DLGAP4: variants seen among roughly 807,000 people sequenced by gnomAD.
The protein encoded by DLGAP4 is DLG associated protein 4.
Under a neutral mutation model 86.9 loss-of-function variants are expected in DLGAP4, and 18 were observed. That is an observed-to-expected ratio of 0.21 (90% CI 0.14 to 0.31). The LOEUF (loss-of-function observed/expected upper bound fraction) is 0.31. DLGAP4 is among the 10% of genes least tolerant of loss of function. DLGAP4 has a pLI of 1.00. For missense variants in DLGAP4, 1,085 were observed against 1,362.6 expected (o/e 0.80, Z 3.21); for synonymous variants, 548 against 574.3 (o/e 0.95, Z 0.65).
At chr20:36,429,021 T>C (rs1285399445) in intron 2 of DLGAP4, among the ~76,000 whole-genome samples, 2 of 152,220 alleles carry the variant, frequency 1.3e-5, no homozygotes, top group African/African-American at 4.8e-5. Context: ...ATCACTCTGA[T>C]CTCTGCTTCT....
At position 36,319,272 on chromosome 20, in the gene DLGAP4, A is replaced by G. The variant is rs73293652; in HGVS notation, c.-304+12760A>G. ...CCCCACTCTGCTCACTGGCTATGTGATTTTGAGCAGGTCACAGAAACCTCT... is the reference window on the plus strand; with the variant it reads ...CCCCACTCTGCTCACTGGCTATGTGGTTTTGAGCAGGTCACAGAAACCTCT... On this transcript the variant is annotated intron_variant, in intron 1 of 12. Coordinates refer to ENST00000339266, the MANE Select transcript of DLGAP4 (RefSeq NM_001365621.2). Among the ~76,000 whole-genome samples, 1,481 of 152,172 alleles carry G rather than the reference A, an allele frequency of 9.7e-3. 15 individuals are homozygous for G. The highest frequency in any genetic ancestry group is 0.034 in the African/African-American group (1,393 of 41,516).
chr20:36,495,857 G>GT (rs2035863478), intron 7 of DLGAP4, among the ~76,000 whole-genome samples: 1 of 152,008 alleles, frequency 6.6e-6, no homozygotes, highest in Non-Finnish European at 1.5e-5. Flanking sequence ...GTGTTTTTTT[G>GT]TTTGTTCATG....
At chr20:36,512,124 C>T (rs1448888501) in intron 10 of DLGAP4, among the ~76,000 whole-genome samples, 1 of 144,732 alleles carries the variant, frequency 6.9e-6, no homozygotes, top group Admixed American at 7.0e-5. Flanking sequence ...GATCTCGGCT[C>T]ACTGCAAGCT....
At chr20:36,496,093 A>G (rs2035874571) in intron 7 of DLGAP4, among the ~76,000 whole-genome samples, 1 of 152,190 alleles carries the variant, frequency 6.6e-6, no homozygotes, top group South Asian at 2.1e-4. Flanking sequence ...GCTGGTCTCG[A>G]ACTCCTGACC....
intron 1 of DLGAP4, among the ~76,000 whole-genome samples, chr20:36,361,903 C>T (rs573712967): frequency 2.5e-4 from 38 of 150,108 alleles, no homozygotes; most frequent in South Asian, 2.1e-3. Flanking sequence ...CGCTTGAACC[C>T]GGGAGGCGGA....
chr20:36,415,448 G>A (rs751748381), intron 2 of DLGAP4, among the ~76,000 whole-genome samples: 7 of 152,176 alleles, frequency 4.6e-5, no homozygotes, highest in Admixed American at 6.5e-5. Flanking sequence ...GCCCGGCCCT[G>A]TCTGGCTCTA....
chr20:36,450,427 G>A (rs1354295559), intron 7 of DLGAP4, among the ~76,000 whole-genome samples: 1 of 152,158 alleles, frequency 6.6e-6, no homozygotes, highest in African/African-American at 2.4e-5. Flanking sequence ...AAGCCCGGGA[G>A]GTGGAGGTTG....
At chr20:36,317,555 A>G (rs2065122008) in intron 1 of DLGAP4, among the ~76,000 whole-genome samples, 1 of 147,446 alleles carries the variant, frequency 6.8e-6, no homozygotes, top group Non-Finnish European at 1.5e-5. Flanking sequence ...CTGGGATCGA[A>G]CAATCTTCCT....
chr20:36,400,603 G>T (rs959028734), intron 2 of DLGAP4, among the ~76,000 whole-genome samples: 3 of 151,594 alleles, frequency 2.0e-5, no homozygotes, highest in African/African-American at 7.3e-5. Flanking sequence ...GTCTGAGGGG[G>T]TTGGATGGGG....
intron 1 of DLGAP4, among the ~76,000 whole-genome samples, chr20:36,342,704 C>T (rs1555892608): frequency 6.6e-6 from 1 of 152,214 alleles, no homozygotes; most frequent in Non-Finnish European, 1.5e-5. Context: ...TCCTCTGCCG[C>T]ATAGTCCTGG....
Position 36,369,502 on chromosome 20 carries a change from G to A in DLGAP4, c.-73+2227G>A, listed in dbSNP as rs146735393. On this transcript the variant is annotated intron_variant, in intron 2 of 12. Transcript: ENST00000339266. ...CAGCTACTTGGGAGGCTGAGACAGG[G>A]GAATTGCTTGAGCCCAGGAGACAGA... Among the ~76,000 whole-genome samples the A allele has an allele frequency of 2.5e-3, 381 of 152,200 alleles. 5 individuals are homozygous for A. The East Asian group carries it at 0.054, about 22-fold the overall frequency.
intron 1 of DLGAP4, among the ~76,000 whole-genome samples, chr20:36,317,200 CTCCT>C (rs1434832573): frequency 1.5e-4 from 22 of 144,088 alleles, no homozygotes; most frequent in Admixed American, 3.5e-4. Flanking sequence ...CCTTCCTTCC[CTCCT>C]TCCTTCCTTC....
chr20:36,396,645 C>T (rs947551104), intron 2 of DLGAP4, among the ~76,000 whole-genome samples: 18 of 45,444 alleles, frequency 4.0e-4, no homozygotes, highest in African/African-American at 1.7e-3. Context: ...GCACACACCA[C>T]ACACACACAC....
At chr20:36,374,453 C>T (rs2031072694) in intron 2 of DLGAP4, among the ~76,000 whole-genome samples, 1 of 152,154 alleles carries the variant, frequency 6.6e-6, no homozygotes, top group Admixed American at 6.5e-5. Flanking sequence ...GGGAGTGCAA[C>T]TATAGGATGA....
At chr20:36,409,169 G>A (rs186512079) in intron 2 of DLGAP4, among the ~76,000 whole-genome samples, 32 of 149,976 alleles carry the variant, frequency 2.1e-4, no homozygotes, top group Non-Finnish European at 3.4e-4. Flanking sequence ...CCAAATAGCT[G>A]GGATTACAGG....
chr20:36,523,535 C>T (rs1032888602), intron 10 of DLGAP4, among the ~76,000 whole-genome samples: 6 of 152,134 alleles, frequency 3.9e-5, no homozygotes, highest in African/African-American at 7.2e-5. Flanking sequence ...ATCTCTGGAA[C>T]GGAATATATA....
At chr20:36,327,765 G>T (rs1452660077) in intron 1 of DLGAP4, among the ~76,000 whole-genome samples, 1 of 148,246 alleles carries the variant, frequency 6.7e-6, no homozygotes, top group African/African-American at 2.4e-5. Flanking sequence ...CTAATTTTTT[G>T]TATTTTTAGT....
chr20:36,364,163 C>T (rs782815550), intron 1 of DLGAP4, among the ~76,000 whole-genome samples: 6 of 152,154 alleles, frequency 3.9e-5, no homozygotes, highest in African/African-American at 1.2e-4. Context: ...GTAGTCCCAG[C>T]TATTCAGGAG....
chr20:36,391,343 C>T lies in DLGAP4; in HGVS notation c.-73+24068C>T, dbSNP rs542241227. Among the ~76,000 whole-genome samples the T allele has an allele frequency of 4.8e-3, 730 of 152,286 alleles. 9 individuals are homozygous for T. The highest frequency in any genetic ancestry group is 0.017 in the African/African-American group (708 of 41,560). ...CTCCTCTCTAATTCTCCAGGCCATG[C>T]GATCTGTGGTGAGGGCTGAGATATT... is the stretch of plus-strand genomic sequence containing the variant. On this transcript the variant is annotated intron_variant, in intron 2 of 12. Coordinates refer to ENST00000339266, the MANE Select transcript of DLGAP4 (RefSeq NM_001365621.2).
Sources: allele counts gnomAD v4.1 joint callset (sites outside exome capture counted in the v4.1 genomes callset), GRCh38; gene constraint gnomAD v4.1.1; transcripts MANE v1.5; gene names NCBI Gene and HGNC (gene_info 2026-07-23, HGNC 2026-07-21).